The following PDGFA variants were observed in gnomAD, a reference collection of about 807,000 sequenced individuals.
PDGFA encodes the protein platelet derived growth factor subunit A.
PDGFA carries 9 observed loss-of-function variants against 25.6 expected under a neutral mutation model. That is an observed-to-expected ratio of 0.35 (90% CI 0.21 to 0.61). The LOEUF (loss-of-function observed/expected upper bound fraction) is 0.61. PDGFA is among the 20% of genes least tolerant of loss of function. PDGFA has a pLI of 0.75. For synonymous variants in PDGFA, 133 were observed against 111.8 expected (o/e 1.19, Z -1.20); for missense variants, 242 against 272.8 (o/e 0.89, Z 0.79).
chr7:509,592 G>C (rs1019666607), intron 4 of PDGFA, among the ~76,000 whole-genome samples: 1 of 152,100 alleles, frequency 6.6e-6, no homozygotes, highest in Admixed American at 6.6e-5. Context: ...CGCCTGGCCC[G>C]ATTAGTTTCT....
At chr7:506,040 G>A (rs1782549235) in intron 4 of PDGFA, among the ~76,000 whole-genome samples, 1 of 152,098 alleles carries the variant, frequency 6.6e-6, no homozygotes, top group Non-Finnish European at 1.5e-5. Context: ...GCCAGGCGTG[G>A]TGGTGAGTGT....
At chr7:512,713 G>A in intron 2 of PDGFA, 2 of 1,369,394 alleles carry the variant, frequency 1.5e-6, no homozygotes, top group Non-Finnish European at 1.9e-6. Flanking sequence ...CCACATTCAG[G>A]GGCCCGTGAC....
At chr7:502,375 C>G (rs2060819803) in intron 4 of PDGFA, among the ~76,000 whole-genome samples, 1 of 152,124 alleles carries the variant, frequency 6.6e-6, no homozygotes, top group Admixed American at 6.5e-5. Context: ...CCCCAGGCAG[C>G]AGGGCCAGCA....
intron 4 of PDGFA, among the ~76,000 whole-genome samples, chr7:503,387 A>G (rs1266011348): frequency 6.6e-6 from 1 of 152,152 alleles, no homozygotes; most frequent in Non-Finnish European, 1.5e-5. Context: ...TGAGGCTAGA[A>G]AGGAAACGGA....
At position 500,578 on chromosome 7, in the gene PDGFA, G is replaced by T. The variant is rs995118117; in HGVS notation, c.580+538C>A. The T allele has an allele frequency of 7.5e-6, 12 of 1,607,918 alleles. No individual in the cohort carries two copies. In the African/African-American group the frequency reaches 1.3e-4, roughly 18 times the overall value. ...AAGAACTGAAGCAACAAATACCTAC[G>T]GCATTTGTTTATCTTTCCAGAAGAG... On this transcript the variant is annotated intron_variant, in intron 5 of 5. Coordinates refer to ENST00000402802, the Ensembl canonical transcript of PDGFA. The surrounding 1 kb of genome is among the most constrained non-coding windows in gnomAD (Gnocchi z 5.0).
chr7:498,085 A>G (rs1258892562), exon 6 of PDGFA: 1 of 155,398 alleles, frequency 6.4e-6, no homozygotes, highest in East Asian at 1.9e-4. Context: ...GCGGTTTCCA[A>G]GACATTCCTG....
Position 517,475 on chromosome 7 carries a change from G to C in PDGFA, c.79C>G (p.Arg27Gly). ...CGGGCCAGCCTCTCGATCACCTCGC[G>C]GGGGATCTCGGCTTCCTGCAAGCAG... The change falls in exon 2 of 6, where the codon CGC (arginine) becomes GGC (glycine). Residue 27 changes from arginine to glycine, a missense_variant. Physicochemically the swap from Arg to Gly is moderately radical, Grantham distance 125. Coordinates refer to ENST00000402802, the Ensembl canonical transcript of PDGFA. This position sits in a 1 kb window ranked among gnomAD's most constrained non-coding sequence, Gnocchi z 7.4. 7.5e-7 allele frequency: 1 copy of C among 1,341,738 alleles called. No individual in the cohort carries two copies. Among genetic ancestry groups the C allele is most frequent in the Non-Finnish European group, 9.7e-7 (1 of 1,031,528 alleles). The allele number at this position is 1,341,738 out of a possible 1,614,324, so 83.1% of individuals were successfully genotyped here.
chr7:519,128 G>T (rs952977023), exon 1 of PDGFA: 28 of 633,792 alleles, frequency 4.4e-5, no homozygotes, highest in Non-Finnish European at 5.1e-6. Context: ...AGGGTGGCGC[G>T]GGGAGCACGG....
intron 4 of PDGFA, among the ~76,000 whole-genome samples, chr7:505,223 G>A (rs1369020633): frequency 4.6e-5 from 7 of 152,246 alleles, no homozygotes; most frequent in South Asian, 2.1e-4. Context: ...GGGGTACCCC[G>A]GCCCCCAGGC....
At chr7:503,041 G>C (rs1782417449) in intron 4 of PDGFA, among the ~76,000 whole-genome samples, 2 of 152,090 alleles carry the variant, frequency 1.3e-5, no homozygotes, top group Non-Finnish European at 2.9e-5. Context: ...TGCATGAGTA[G>C]AGTATTGGCT....
At chr7:512,728 C>T (rs1782918283) in intron 2 of PDGFA, 9 of 1,262,082 alleles carry the variant, frequency 7.1e-6, no homozygotes, top group South Asian at 3.0e-5. Flanking sequence ...CGTGACGAAG[C>T]GCAGGGCCCT....
chr7:504,520 G>A (rs1333775532), intron 4 of PDGFA, among the ~76,000 whole-genome samples: 1 of 152,076 alleles, frequency 6.6e-6, no homozygotes, highest in Non-Finnish European at 1.5e-5. Context: ...GGAGGCCCTG[G>A]ACACAGGTCC....
chr7:499,209 G>T (rs547030864), intron 5 of PDGFA, among the ~76,000 whole-genome samples: 8 of 152,302 alleles, frequency 5.3e-5, no homozygotes, highest in African/African-American at 1.9e-4. Context: ...GGGACCCACA[G>T]GCAGGCACAA....
exon 3 of PDGFA, chr7:512,422 G>C (rs375368814): frequency 3.1e-6 from 5 of 1,613,778 alleles, no homozygotes; most frequent in Admixed American, 1.7e-5. Flanking sequence ...GACCCCGTGA[G>C]CTCTCAGGCT....
intron 4 of PDGFA, among the ~76,000 whole-genome samples, chr7:506,703 C>A (rs1363488918): frequency 6.6e-6 from 1 of 152,090 alleles, no homozygotes; most frequent in East Asian, 1.9e-4. Flanking sequence ...GAGAGTCGGG[C>A]GTCCAGGCAC....
At chr7:514,606 C>T (rs775163982) in intron 2 of PDGFA, among the ~76,000 whole-genome samples, 4 of 152,234 alleles carry the variant, frequency 2.6e-5, no homozygotes, top group African/African-American at 4.8e-5. Context: ...CTTTTAGGCA[C>T]AGATGTCCCA....
Position 500,772 on chromosome 7 carries a change from G to GC in PDGFA, c.580+343dup. On this transcript the variant is annotated intron_variant, in intron 5 of 5. Coordinates refer to ENST00000402802, the Ensembl canonical transcript of PDGFA. This position sits in a 1 kb window ranked among gnomAD's most constrained non-coding sequence, Gnocchi z 5.0. ...TGCAGTCCTCGAACCTGCTCCTCCC[G>GC]CCCACCCTGGCAGGAGGCCCTTCTG... The GC allele has an allele frequency of 2.1e-6, 3 of 1,438,684 alleles. 1 individual carries two copies. In the South Asian group the frequency reaches 4.3e-5, roughly 21 times the overall value. 89.1% of individuals were successfully genotyped at this position (1,438,684 alleles called of 1,614,324 possible).
rs917764636 is a variant in PDGFA at position 517,737 on chromosome 7, C to G, written c.64-247G>C. 1.1e-4 allele frequency among the ~76,000 whole-genome samples: 17 copies of G among 151,734 alleles called. No individual in the cohort carries two copies. The highest frequency in any genetic ancestry group is 2.7e-4 in the African/African-American group (11 of 41,290). On this transcript the variant is annotated intron_variant, in intron 1 of 5. Coordinates refer to ENST00000402802, the Ensembl canonical transcript of PDGFA. This position sits in a 1 kb window ranked among gnomAD's most constrained non-coding sequence, Gnocchi z 7.4. ...CCCTTTGCAAAATCAAAGCCCCCCC[C>G]CCTTTATATTTTCAGACAAAAGCCC...
At chr7:513,254 AC>A in intron 2 of PDGFA, 1 of 154,048 alleles carries the variant, frequency 6.5e-6, no homozygotes, top group Non-Finnish European at 1.4e-5. Flanking sequence ...CAGAGCCAAG[AC>A]CAGCACTGAC....
Sources: gnomAD v4.1 joint callset for allele counts (sites outside exome capture counted in the v4.1 genomes callset) on GRCh38, gnomAD v4.1.1 for gene constraint, Gnocchi (gnomAD v3.1) non-coding constraint, MANE v1.5 for transcripts, NCBI Gene and HGNC (gene_info 2026-07-23, HGNC 2026-07-21) for gene names.